Variants in ADAM19 observed in about 807,000 individuals in gnomAD.
The protein encoded by ADAM19 is disintegrin and metalloproteinase domain-containing protein 19.
In ADAM19, 65 loss-of-function variants were observed where a neutral mutation model predicts 114.7. That is an observed-to-expected ratio of 0.57 (90% CI 0.46 to 0.70). The LOEUF (loss-of-function observed/expected upper bound fraction) is 0.70. Among genes scored for constraint, ADAM19 ranks in the 30% least tolerant of loss-of-function variants. ADAM19 has a pLI of 0.00. For synonymous variants in ADAM19, 466 were observed against 460.5 expected, an observed-to-expected ratio of 1.01 and a Z score of -0.15; for missense variants, 1,063 against 1,204.7, an observed-to-expected ratio of 0.88 and a Z score of 1.74.
intron 21 of ADAM19, among the ~76,000 whole-genome samples, chr5:157,486,643 C>T (rs1177390567): frequency 6.6e-6 from 1 of 152,038 alleles, no homozygotes; most frequent in Non-Finnish European, 1.5e-5. Flanking sequence ...GTGGGTTTTT[C>T]AGAACAACAG....
At chr5:157,552,671 T>C (rs1461860348) in intron 3 of ADAM19, among the ~76,000 whole-genome samples, 2 of 116,230 alleles carry the variant, frequency 1.7e-5, no homozygotes, top group African/African-American at 6.9e-5. Context: ...AGAGCGGGAC[T>C]CTACTCAAAA....
rs149281613 is a variant in ADAM19 at position 157,528,774 on chromosome 5, A to C, written c.407+2033T>G. ...AAGAGGAGGAAAAACCCTTATGTTT[A>C]AAAGTACTATAATTACAGCAATAAT... On this transcript the variant is annotated intron_variant, in intron 5 of 22. Transcript: ENST00000257527. Among the ~76,000 whole-genome samples the C allele has an allele frequency of 4.1e-3, 619 of 152,310 alleles. 4 individuals carry two copies. Among genetic ancestry groups the C allele is most frequent in the African/African-American group, 0.014 (584 of 41,558 alleles).
At chr5:157,518,182 G>T (rs1433275090) in intron 7 of ADAM19, among the ~76,000 whole-genome samples, 3 of 152,150 alleles carry the variant, frequency 2.0e-5, no homozygotes, top group Non-Finnish European at 4.4e-5. Context: ...ACAATTCCGG[G>T]TTCCTCAGAA....
intron 7 of ADAM19, 53 bp from the exon 8 acceptor site, chr5:157,513,558 T>A: frequency 2.7e-6 from 4 of 1,459,034 alleles, no homozygotes; most frequent in Admixed American, 1.7e-5. Flanking sequence ...CACAGGATGC[T>A]TCCTGCGCCC....
intron 12 of ADAM19, among the ~76,000 whole-genome samples, chr5:157,501,414 G>C (rs1226510542): frequency 1.3e-5 from 2 of 152,162 alleles, no homozygotes; most frequent in Admixed American, 6.6e-5. Flanking sequence ...ATATTCTTTT[G>C]CAATTATTTC....
intron 5 of ADAM19, among the ~76,000 whole-genome samples, chr5:157,529,254 A>G (rs1756558602): frequency 6.6e-6 from 1 of 152,114 alleles, no homozygotes; most frequent in African/African-American, 2.4e-5. Flanking sequence ...CATAGTACAG[A>G]CAATCAAAAC....
chr5:157,493,913 C>A (rs1362017588), intron 15 of ADAM19, among the ~76,000 whole-genome samples: 1 of 152,244 alleles, frequency 6.6e-6, no homozygotes, highest in African/African-American at 2.4e-5. Flanking sequence ...CTCTCCTATG[C>A]ACCAGCACCA....
intron 3 of ADAM19, among the ~76,000 whole-genome samples, chr5:157,550,849 C>T (rs1561553338): frequency 6.6e-6 from 1 of 152,158 alleles, no homozygotes; most frequent in Non-Finnish European, 1.5e-5. Context: ...ATCCACGTTA[C>T]ATGTAAATTC....
chr5:157,567,802 A>G, intron 2 of ADAM19, among the ~76,000 whole-genome samples: 1 of 71,374 alleles, frequency 1.4e-5, no homozygotes, highest in Non-Finnish European at 2.6e-5. Flanking sequence ...CGTCTAAACA[A>G]AAAAAAAAAA....
chr5:157,538,123 C>T (rs1007534351), intron 3 of ADAM19, 132 bp from the exon 4 acceptor site: 1 of 587,160 alleles, frequency 1.7e-6, no homozygotes, highest in Non-Finnish European at 2.9e-6. Flanking sequence ...TAGGCAGCCA[C>T]AAGGGGCTAA....
intron 7 of ADAM19, among the ~76,000 whole-genome samples, chr5:157,517,960 G>A (rs1756141101): frequency 6.6e-6 from 1 of 152,146 alleles, no homozygotes; most frequent in African/African-American, 2.4e-5. Context: ...GAGGTCGGGG[G>A]CAGGGCCCGA....
At chr5:157,483,200 A>G (rs1754815711) in intron 21 of ADAM19, among the ~76,000 whole-genome samples, 1 of 149,478 alleles carries the variant, frequency 6.7e-6, no homozygotes, top group South Asian at 2.1e-4. Context: ...CCCAGAACTT[A>G]AAGTATAATA....
At chr5:157,547,818 C>T (rs1757090157) in intron 3 of ADAM19, among the ~76,000 whole-genome samples, 1 of 152,182 alleles carries the variant, frequency 6.6e-6, no homozygotes, top group Admixed American at 6.5e-5. Context: ...ATATCAGCTA[C>T]CTCTTCCCTA....
chr5:157,550,023 C>A (rs1561552958), intron 3 of ADAM19, among the ~76,000 whole-genome samples: 1 of 152,208 alleles, frequency 6.6e-6, no homozygotes, highest in Admixed American at 6.5e-5. Context: ...ATCCCATTTA[C>A]ATGAAACATC....
chr5:157,481,753 G>A, intron 22 of ADAM19, 38 bp downstream of exon 22: 1 of 1,555,686 alleles, frequency 6.4e-7, no homozygotes, highest in African/African-American at 1.4e-5. Flanking sequence ...GAGCCCTCTG[G>A]TACCAGCTTT....
chr5:157,568,375 TC>T (rs1256148760), intron 2 of ADAM19: 2 of 152,202 alleles, frequency 1.3e-5, no homozygotes, highest in Non-Finnish European at 2.9e-5. Flanking sequence ...GTTCCCTTTT[TC>T]TATGGGGCAT....
At chr5:157,533,694 C>T (rs539036597) in intron 4 of ADAM19, among the ~76,000 whole-genome samples, 29 of 152,062 alleles carry the variant, frequency 1.9e-4, no homozygotes, top group Admixed American at 1.9e-3. Flanking sequence ...AGGCCAGGCG[C>T]GGTGGCTCAT....
chr5:157,549,841 G>A (rs958077743), intron 3 of ADAM19, among the ~76,000 whole-genome samples: 2 of 152,110 alleles, frequency 1.3e-5, no homozygotes, highest in Admixed American at 6.6e-5. Flanking sequence ...AAATTAGCTC[G>A]AGCTTAAAAG....
At position 157,518,818 on chromosome 5, in the gene ADAM19, C is replaced by T; in HGVS notation, c.666+5G>A. 1 of 1,612,228 alleles carries T rather than the reference C, an allele frequency of 6.2e-7. No homozygotes were observed. The highest frequency in any genetic ancestry group is 8.5e-7 in the Non-Finnish European group (1 of 1,178,198). ...TTTCTGCAAGACCCATTGCCTCCCC[C>T]TTACCTCTAAATAATCAGCCACGAG... On this transcript the variant is annotated splice_donor_5th_base_variant and intron_variant, in intron 7 of 22. Coordinates refer to ENST00000257527, the MANE Select transcript of ADAM19 (RefSeq NM_033274.5).
Sources: allele counts gnomAD v4.1 joint callset (sites outside exome capture counted in the v4.1 genomes callset), GRCh38; gene constraint gnomAD v4.1.1; transcripts MANE v1.5; gene names NCBI Gene and HGNC (gene_info 2026-07-23, HGNC 2026-07-21).